Variants in CHODL observed in about 807,000 individuals in gnomAD.
CHODL encodes the protein chondrolectin.
CHODL carries 29 observed loss-of-function variants against 34.5 expected under a neutral mutation model. The ratio of observed to expected loss-of-function variants is 0.84; its 90% CI spans 0.63 to 1.15. The LOEUF is 1.15. Among genes scored for constraint, CHODL ranks in the 50% most tolerant of loss-of-function variants. The probability of loss-of-function intolerance (pLI) is 0.00; values close to 1 mark genes in which losing one functional copy is unlikely to be tolerated. For synonymous variants in CHODL, 125 were observed against 116.1 expected (o/e 1.08, Z -0.49); for missense variants, 332 against 332.5 (o/e 1.00, Z 0.01).
chr21:18,256,748 G>A lies in CHODL; in HGVS notation c.319G>A (p.Gly107Arg), dbSNP rs765203113. 1.9e-6 allele frequency: 3 copies of A among 1,614,096 alleles called. No homozygotes were observed. Among genetic ancestry groups the A allele is most frequent in the Non-Finnish European group, 2.5e-6 (3 of 1,179,978 alleles). Residue 107 changes from glycine (G) to arginine (R), a missense_variant, in exon 2 of 6, where the codon GGA becomes AGA. By Grantham distance (125) the Gly-to-Arg change is moderately radical. Transcript: ENST00000299295. ...TTTCTGGATAGGGCTTTGGAGGAAT[G>A]GAGATGGGCAAACATCTGGTGCCTG... ...GDFWIGLWRN[G>R]DGQTSGACPD...
At chr21:18,013,635 C>CTTTTTGTTTTTTTTTTTTTTTTT (rs2064040926) in intron 1 of CHODL, among the ~76,000 whole-genome samples, 1 of 71,896 alleles carries the variant, frequency 1.4e-5, no homozygotes, top group African/African-American at 6.3e-5. Flanking sequence ...GCTGCTGCTG[C>CTTTTTGTTTTTTTTTTTTTTTTT]TTTTTTTTTT....
At chr21:18,140,193 G>T (rs1014158325) in intron 2 of CHODL, among the ~76,000 whole-genome samples, 2 of 152,166 alleles carry the variant, frequency 1.3e-5, no homozygotes, top group African/African-American at 4.8e-5. Context: ...AGGAATTGAA[G>T]AATTTGAAAA....
intron 1 of CHODL, among the ~76,000 whole-genome samples, chr21:17,940,623 A>T (rs573705900): frequency 6.6e-6 from 1 of 152,330 alleles, no homozygotes; most frequent in Non-Finnish European, 1.5e-5. Flanking sequence ...AGTTACAAGT[A>T]TGTTAGTTTA....
chr21:17,939,424 G>C (rs1600987192), intron 1 of CHODL, among the ~76,000 whole-genome samples: 3 of 152,094 alleles, frequency 2.0e-5, no homozygotes. Flanking sequence ...TCTTTTTAAA[G>C]CTAAACAGTA....
chr21:17,943,008 C>T (rs569743218), intron 1 of CHODL, among the ~76,000 whole-genome samples: 91 of 152,254 alleles, frequency 6.0e-4, no homozygotes, highest in Non-Finnish European at 9.7e-4. Context: ...CTTTTTGCCA[C>T]GATTGTAAGT....
At chr21:18,261,881 T>C (rs73206955) in intron 4 of CHODL, among the ~76,000 whole-genome samples, 34,790 of 151,884 alleles carry the variant, frequency 0.23, 5,164 homozygotes, top group Non-Finnish European at 0.31. Flanking sequence ...GCCGCTGGAG[T>C]CTCGTGTCTC....
At chr21:18,233,708 A>G (rs2074003482) in intron 2 of CHODL, among the ~76,000 whole-genome samples, 1 of 152,060 alleles carries the variant, frequency 6.6e-6, no homozygotes, top group Non-Finnish European at 1.5e-5. Context: ...ATTTGGCCTT[A>G]TTTCATAATG....
At chr21:18,174,164 A>ATATATATATATCT (rs1198723227) in intron 2 of CHODL, among the ~76,000 whole-genome samples, 1 of 47,282 alleles carries the variant, frequency 2.1e-5, no homozygotes, top group African/African-American at 5.9e-5. Flanking sequence ...TATATATAAA[A>ATATATATATATCT]TCAAGTCTCT....
At chr21:17,997,468 A>G (rs995227545) in intron 1 of CHODL, among the ~76,000 whole-genome samples, 2 of 152,194 alleles carry the variant, frequency 1.3e-5, no homozygotes, top group Non-Finnish European at 2.9e-5. Context: ...ATATTGGAAA[A>G]TGACTCTTTT....
At chr21:18,157,079 C>T (rs919841077) in intron 2 of CHODL, among the ~76,000 whole-genome samples, 1 of 152,196 alleles carries the variant, frequency 6.6e-6, no homozygotes, top group Non-Finnish European at 1.5e-5. Context: ...TGTGGTACCA[C>T]TCCCTTCATT....
intron 1 of CHODL, among the ~76,000 whole-genome samples, chr21:17,957,910 C>T (rs2063505004): frequency 1.3e-5 from 2 of 151,162 alleles, no homozygotes; most frequent in South Asian, 4.2e-4. Flanking sequence ...AAATACCCCT[C>T]AGAACTGGAA....
chr21:18,150,949 T>C (rs2146626637), intron 2 of CHODL, among the ~76,000 whole-genome samples: 1 of 152,014 alleles, frequency 6.6e-6, no homozygotes, highest in Non-Finnish European at 1.5e-5. Context: ...CTGGGCATGA[T>C]GGCAGGCACC....
chr21:18,172,274 T>A (rs2073241461), intron 2 of CHODL, among the ~76,000 whole-genome samples: 1 of 152,228 alleles, frequency 6.6e-6, no homozygotes, highest in African/African-American at 2.4e-5. Flanking sequence ...AAAATGTTAT[T>A]CACAGTGAGT....
rs2063234755 is a variant in CHODL at position 17,927,160 on chromosome 21, G to GTATATATGTATATATGTA, written c.-145+9774_-145+9791dup. ...TATATATGTATATATGTATATATAT[G>GTATATATGTATATATGTA]TATATATGTATATATGTATATATAT... is the stretch of plus-strand genomic sequence containing the variant. On this transcript the variant is annotated intron_variant, in intron 1 of 6. Coordinates refer to the CHODL transcript ENST00000400127. Among the ~76,000 whole-genome samples, 150 of 67,938 alleles carry GTATATATGTATATATGTA rather than the reference G, an allele frequency of 2.2e-3. 1 individual carries two copies. Among genetic ancestry groups the GTATATATGTATATATGTA allele is most frequent in the Middle Eastern group, 6.0e-3 (1 of 166 alleles). 44.6% of individuals were successfully genotyped at this position (67,938 alleles called of 152,430 possible).
chr21:17,922,126 G>A (rs935010093), intron 1 of CHODL, among the ~76,000 whole-genome samples: 1 of 151,958 alleles, frequency 6.6e-6, no homozygotes, highest in Non-Finnish European at 1.5e-5. Flanking sequence ...TACAGTTAGA[G>A]TGAAGAAAAG....
intron 2 of CHODL, among the ~76,000 whole-genome samples, chr21:18,090,306 A>T (rs2065056673): frequency 6.6e-6 from 1 of 152,188 alleles, no homozygotes. Flanking sequence ...TCTTTTGTCT[A>T]TTTAGGAGAC....
chr21:18,090,565 TAAC>T (rs1199841217), intron 2 of CHODL, among the ~76,000 whole-genome samples: 1 of 151,444 alleles, frequency 6.6e-6, no homozygotes, highest in Non-Finnish European at 1.5e-5. Context: ...ATCCCTAAAA[TAAC>T]AACAGTGTGC....
chr21:18,042,272 GACCCCCTTCTCCCC>G (rs1272109714), intron 2 of CHODL, among the ~76,000 whole-genome samples: 1 of 151,796 alleles, frequency 6.6e-6, no homozygotes, highest in Non-Finnish European at 1.5e-5. Flanking sequence ...TGGATGAATG[GACCCCCTTCTCCCC>G]ACCCCCTTCT....
intron 2 of CHODL, among the ~76,000 whole-genome samples, chr21:18,072,678 C>A (rs1230166644): frequency 2.0e-5 from 3 of 151,474 alleles, no homozygotes; most frequent in Admixed American, 6.6e-5. Context: ...AAAAAAAAAA[C>A]CCATGGATGA....
Sources: allele counts gnomAD v4.1 joint callset (sites outside exome capture counted in the v4.1 genomes callset), GRCh38; gene constraint gnomAD v4.1.1; transcripts MANE v1.5; gene names NCBI Gene and HGNC (gene_info 2026-07-23, HGNC 2026-07-21).